MGAT4C: variants seen among roughly 807,000 people sequenced by gnomAD.
MGAT4C encodes alpha-1,3-mannosyl-glycoprotein 4-beta-N-acetylglucosaminyltransferase C.
Under a neutral mutation model 40.1 loss-of-function variants are expected in MGAT4C, and 19 were observed. That is an observed-to-expected ratio of 0.47 (90% CI 0.33 to 0.70). The LOEUF (loss-of-function observed/expected upper bound fraction) is 0.70, where lower values mean the gene tolerates loss of function less well. MGAT4C is among the 30% of genes least tolerant of loss of function. The probability of loss-of-function intolerance (pLI) is 0.02; values close to 1 mark genes in which losing one functional copy is unlikely to be tolerated. For missense variants in MGAT4C, 491 were observed against 563.2 expected (o/e 0.87, Z 1.30); for synonymous variants, 181 against 187.1 (o/e 0.97, Z 0.27).
chr12:86,428,078 A>G (rs1956964138), intron 3 of MGAT4C, among the ~76,000 whole-genome samples: 1 of 152,178 alleles, frequency 6.6e-6, no homozygotes, highest in South Asian at 2.1e-4. Context: ...AAACCCGCTA[A>G]TATAGTATAA....
chr12:86,470,640 A>G (rs1407842053), intron 2 of MGAT4C, among the ~76,000 whole-genome samples: 1 of 152,156 alleles, frequency 6.6e-6, no homozygotes, highest in Non-Finnish European at 1.5e-5. Flanking sequence ...AGTAGAAACT[A>G]TAAATACTAT....
intron 2 of MGAT4C, among the ~76,000 whole-genome samples, chr12:86,464,405 C>A (rs1219127989): frequency 6.6e-6 from 1 of 152,124 alleles, no homozygotes; most frequent in East Asian, 1.9e-4. Flanking sequence ...AATTTTATAT[C>A]AAAATCACTG....
At chr12:86,744,946 C>G (rs1386591649) in intron 1 of MGAT4C, 1 of 151,486 alleles carries the variant, frequency 6.6e-6, no homozygotes, top group Non-Finnish European at 1.5e-5. Flanking sequence ...GCTGAAGTGA[C>G]TTGTGGAAGA....
In MGAT4C at chr12:85,964,606, A is replaced by G. The variant is rs1592574972; in HGVS notation, c.*14683T>C. On this transcript the variant is annotated 3_prime_UTR_variant, in exon 5 of 5. Coordinates refer to ENST00000611864, the MANE Select transcript of MGAT4C (RefSeq NM_001351288.2). The stretch of plus-strand genomic sequence containing the variant: ...GATAACATTATTTAAGGAAGGTAAG[A>G]TACTCTTATCCTACATATACGCCAG... The G allele has an allele frequency of 6.6e-6, 1 of 152,290 alleles. No individual in the cohort carries two copies. 9.4% of individuals were successfully genotyped at this position (152,290 alleles called of 1,614,324 possible).
At chr12:86,196,296 G>A (rs1949801287) in intron 1 of MGAT4C, among the ~76,000 whole-genome samples, 1 of 152,196 alleles carries the variant, frequency 6.6e-6, no homozygotes, top group Admixed American at 6.5e-5. Flanking sequence ...TAGATATTAA[G>A]GCTCACGCAT....
chr12:86,604,461 C>G (rs1282637157), intron 2 of MGAT4C, among the ~76,000 whole-genome samples: 1 of 152,000 alleles, frequency 6.6e-6, no homozygotes, highest in Non-Finnish European at 1.5e-5. Context: ...AGAAGCTAAA[C>G]CAAAATGGCA....
At chr12:86,720,522 T>A (rs1188210876) in intron 2 of MGAT4C, among the ~76,000 whole-genome samples, 1 of 152,176 alleles carries the variant, frequency 6.6e-6, no homozygotes, top group East Asian at 1.9e-4. Flanking sequence ...AATATTAACA[T>A]CTATATCATC....
At chr12:86,413,434 G>A (rs1956645131) in intron 3 of MGAT4C, among the ~76,000 whole-genome samples, 1 of 152,134 alleles carries the variant, frequency 6.6e-6, no homozygotes, top group Non-Finnish European at 1.5e-5. Context: ...AGTATACAGA[G>A]CTAGAATCAT....
At chr12:86,776,146 A>T (rs1327279327) in intron 1 of MGAT4C, among the ~76,000 whole-genome samples, 1 of 152,084 alleles carries the variant, frequency 6.6e-6, no homozygotes, top group Non-Finnish European at 1.5e-5. Context: ...GGAATTGGCT[A>T]AAACAAGCCA....
intron 1 of MGAT4C, among the ~76,000 whole-genome samples, chr12:86,075,107 G>T (rs1231641876): frequency 6.6e-6 from 1 of 152,110 alleles, no homozygotes; most frequent in African/African-American, 2.4e-5. Flanking sequence ...CTGAGATAAG[G>T]CAAGTTGCTT....
chr12:85,981,217 T>C (rs1884567645), intron 4 of MGAT4C, among the ~76,000 whole-genome samples: 1 of 152,182 alleles, frequency 6.6e-6, no homozygotes, highest in Non-Finnish European at 1.5e-5. Context: ...GAATTAGATA[T>C]GTTTAGAGAA....
intron 1 of MGAT4C, among the ~76,000 whole-genome samples, chr12:86,100,485 C>T (rs1225190979): frequency 6.6e-6 from 1 of 151,280 alleles, no homozygotes; most frequent in Admixed American, 6.6e-5. Flanking sequence ...ACAATATTTT[C>T]CCCTTTTGCC....
At chr12:86,815,259 T>C (rs563445767) in intron 1 of MGAT4C, among the ~76,000 whole-genome samples, 55 of 152,122 alleles carry the variant, frequency 3.6e-4, no homozygotes, top group Non-Finnish European at 7.6e-4. Context: ...TCAACATCAC[T>C]AATGATCAGG....
intron 1 of MGAT4C, among the ~76,000 whole-genome samples, chr12:86,769,250 A>G (rs1487994261): frequency 6.6e-6 from 1 of 152,222 alleles, no homozygotes; most frequent in Non-Finnish European, 1.5e-5. Flanking sequence ...TTATGCAGCC[A>G]AAAGACACAT....
At chr12:86,690,009 T>C (rs938693219) in intron 2 of MGAT4C, among the ~76,000 whole-genome samples, 31 of 152,190 alleles carry the variant, frequency 2.0e-4, no homozygotes, top group African/African-American at 7.0e-4. Flanking sequence ...AGAGATGCCA[T>C]GCCCAGAGAA....
At chr12:86,672,040 A>G (rs1964266780) in intron 2 of MGAT4C, among the ~76,000 whole-genome samples, 1 of 152,194 alleles carries the variant, frequency 6.6e-6, no homozygotes, top group Admixed American at 6.5e-5. Context: ...TTAGGTGGTA[A>G]AAGAAGTGTT....
intron 3 of MGAT4C, among the ~76,000 whole-genome samples, chr12:86,338,156 C>T (rs1954829340): frequency 6.6e-6 from 1 of 152,102 alleles, no homozygotes; most frequent in African/African-American, 2.4e-5. Flanking sequence ...CCCGAACATT[C>T]GGGGAGCAGA....
At chr12:86,277,031 C>A (rs1953095640) in intron 4 of MGAT4C, among the ~76,000 whole-genome samples, 1 of 152,168 alleles carries the variant, frequency 6.6e-6, no homozygotes, top group African/African-American at 2.4e-5. Context: ...AGTGGTTGTA[C>A]TAATTTACAT....
chr12:86,568,592 A>C (rs922812068), intron 2 of MGAT4C, among the ~76,000 whole-genome samples: 3 of 149,148 alleles, frequency 2.0e-5, no homozygotes, highest in African/African-American at 7.4e-5. Flanking sequence ...CCCTCTAGAG[A>C]ACCCTAATAC....
Sources: gnomAD v4.1 joint callset for allele counts (sites outside exome capture counted in the v4.1 genomes callset) on GRCh38, gnomAD v4.1.1 for gene constraint, MANE v1.5 for transcripts, NCBI Gene and HGNC (gene_info 2026-07-23, HGNC 2026-07-21) for gene names.